PTGER3: variants seen among roughly 807,000 people sequenced by gnomAD.
PTGER3 encodes prostaglandin E receptor 3.
A neutral mutation model predicts 34.7 loss-of-function variants in PTGER3; 22 were observed. The observed-to-expected ratio is 0.63, with a 90% CI of 0.45 to 0.91. The LOEUF (loss-of-function observed/expected upper bound fraction) is 0.91, where lower values mean the gene tolerates loss of function less well. Ranked by LOEUF, PTGER3 falls within the 40% of genes least tolerant of loss-of-function variation. The pLI is 0.00. For synonymous variants in PTGER3, 241 were observed against 230.1 expected (o/e 1.05, Z -0.43); for missense variants, 468 against 519.4 (o/e 0.90, Z 0.96).
At chr1:71,035,563 C>T (rs112643504) in intron 1 of PTGER3, among the ~76,000 whole-genome samples, 2 of 152,212 alleles carry the variant, frequency 1.3e-5, no homozygotes, top group Admixed American at 6.5e-5. Context: ...CCTCAGTACT[C>T]GAGGGCTCTG....
chr1:70,976,540 T>C (rs1411615463), intron 2 of PTGER3, among the ~76,000 whole-genome samples: 2 of 152,286 alleles, frequency 1.3e-5, no homozygotes, highest in Non-Finnish European at 2.9e-5. Context: ...TTGGGGATTA[T>C]ATATGATTTG....
At chr1:70,961,768 A>G (rs1419198608) in intron 2 of PTGER3, among the ~76,000 whole-genome samples, 3 of 152,228 alleles carry the variant, frequency 2.0e-5, no homozygotes, top group Non-Finnish European at 4.4e-5. Context: ...AGGAAATCCC[A>G]TTGGTTCAGC....
chr1:70,884,643 A>G (rs1326034447), intron 4 of PTGER3, among the ~76,000 whole-genome samples: 3 of 152,214 alleles, frequency 2.0e-5, no homozygotes, highest in African/African-American at 4.8e-5. Context: ...AGATTCATGC[A>G]CAGAAATTGT....
chr1:71,046,928 T>C lies in PTGER3; in HGVS notation c.650A>G (p.Asn217Ser). Residue 217 changes from asparagine (N) to serine (S), a missense_variant, in exon 1 of 4, where the codon AAC (asparagine) becomes AGC (serine). Around this residue, in one of 5 missense-constraint regions of PTGER3, gnomAD observed 204 missense variants for 230.8 expected, o/e 0.88. Transcript: ENST00000306666. The part of the protein sequence containing the change: ...WCFISTGRGG[N>S]GTSSSHNWGN... ...CCAGTTATGCGAAGAGCTAGTCCCG[T>C]TGCCCCCTCGCCCGGTGCTGATGAA... The C allele has an allele frequency of 6.2e-7, 1 of 1,608,886 alleles. No individual in the cohort carries two copies. Among genetic ancestry groups the C allele is most frequent in the South Asian group, 1.1e-5 (1 of 89,984 alleles).
chr1:70,914,302 T>A (rs936553225), intron 4 of PTGER3, among the ~76,000 whole-genome samples: 1 of 151,818 alleles, frequency 6.6e-6, no homozygotes, highest in African/African-American at 2.4e-5. Context: ...TGATATCTAG[T>A]CATGAAATTG....
intron 2 of PTGER3, among the ~76,000 whole-genome samples, chr1:70,998,710 T>A (rs141515633): frequency 6.6e-6 from 1 of 152,208 alleles, no homozygotes; most frequent in Non-Finnish European, 1.5e-5. Context: ...ATTTCTCAAA[T>A]ACATCACAGT....
At position 70,938,937 on chromosome 1, in the gene PTGER3, C is replaced by T. The variant is rs78627536; in HGVS notation, c.*23+14826G>A. On this transcript the variant is annotated intron_variant, in intron 4 of 4. Transcript: ENST00000370931. ...CACGTTTCAAAACCAGTCATGCCTT[C>T]CCAACTGTCCCCCAAAGTCTTAACT... Among the ~76,000 whole-genome samples, 158 of 152,248 alleles carry T rather than the reference C, an allele frequency of 1.0e-3. 2 individuals are homozygous for T. Among genetic ancestry groups the T allele is most frequent in the African/African-American group, 3.8e-3 (157 of 41,542 alleles).
intron 2 of PTGER3, among the ~76,000 whole-genome samples, chr1:70,977,842 C>T (rs1653861483): frequency 2.6e-5 from 4 of 152,046 alleles, no homozygotes; most frequent in Admixed American, 2.6e-4. Flanking sequence ...AATGTTTTGC[C>T]TCCCTTTAAC....
At chr1:70,884,036 G>C in intron 4 of PTGER3, 1 of 386,734 alleles carries the variant, frequency 2.6e-6, no homozygotes, top group South Asian at 1.9e-5. Context: ...GCAGTGAGCG[G>C]AAATCACTCC....
exon 4 of PTGER3, chr1:70,953,039 G>A: frequency 5.6e-6 from 9 of 1,602,726 alleles, no homozygotes; most frequent in Non-Finnish European, 7.7e-6. Flanking sequence ...GTATCTGAGA[G>A]TTCTGCAAAC....
intron 2 of PTGER3, among the ~76,000 whole-genome samples, chr1:70,975,865 C>G (rs553688023): frequency 4.1e-4 from 63 of 152,188 alleles, no homozygotes; most frequent in African/African-American, 1.5e-3. Flanking sequence ...ACTTTCAAAG[C>G]CCCCTTTGTA....
chr1:70,963,555 C>T (rs2100641854), intron 2 of PTGER3, among the ~76,000 whole-genome samples: 1 of 152,330 alleles, frequency 6.6e-6, no homozygotes, highest in African/African-American at 2.4e-5. Flanking sequence ...GTGGAAGCTG[C>T]CAAGGCCCAG....
intron 4 of PTGER3, among the ~76,000 whole-genome samples, chr1:70,922,119 T>C (rs1647587342): frequency 6.6e-6 from 1 of 152,216 alleles, no homozygotes; most frequent in Non-Finnish European, 1.5e-5. Flanking sequence ...CTTCTTTGGC[T>C]TTTAAAAACT....
At chr1:71,021,184 G>T (rs1177406678) in intron 1 of PTGER3, among the ~76,000 whole-genome samples, 4 of 152,062 alleles carry the variant, frequency 2.6e-5, no homozygotes, top group African/African-American at 9.7e-5. Context: ...CTTTAAAAAT[G>T]TTTAGTAATG....
At chr1:70,907,658 C>A (rs1030849399) in intron 4 of PTGER3, among the ~76,000 whole-genome samples, 2 of 152,210 alleles carry the variant, frequency 1.3e-5, no homozygotes, top group African/African-American at 4.8e-5. Flanking sequence ...CAGGCATGAG[C>A]ATGTCCGGGG....
At chr1:70,873,098 C>CAA (rs34564339) in intron 4 of PTGER3, among the ~76,000 whole-genome samples, 2 of 148,126 alleles carry the variant, frequency 1.4e-5, no homozygotes, top group African/African-American at 2.5e-5. Context: ...TCTAATATGA[C>CAA]AAAAAAAAAA....
At chr1:70,936,797 C>T (rs750452444) in intron 4 of PTGER3, among the ~76,000 whole-genome samples, 5 of 152,164 alleles carry the variant, frequency 3.3e-5, no homozygotes, top group African/African-American at 7.2e-5. Flanking sequence ...CCTCACTCCC[C>T]AAGTATATCT....
At chr1:71,012,045 A>G in intron 2 of PTGER3, 1 of 1,426,560 alleles carries the variant, frequency 7.0e-7, no homozygotes, top group Non-Finnish European at 9.1e-7. Flanking sequence ...TTTGTGTTTC[A>G]CTACTTTTGG....
At chr1:70,944,314 G>C (rs1218878551) in intron 4 of PTGER3, among the ~76,000 whole-genome samples, 1 of 152,086 alleles carries the variant, frequency 6.6e-6, no homozygotes, top group Non-Finnish European at 1.5e-5. Context: ...ATTGTGAGAA[G>C]TCAAAGCAAT....
Sources: allele counts gnomAD v4.1 joint callset (sites outside exome capture counted in the v4.1 genomes callset), GRCh38; gene constraint gnomAD v4.1.1; regional missense constraint gnomAD v4.1.1; transcripts MANE v1.5; gene names NCBI Gene and HGNC (gene_info 2026-07-23, HGNC 2026-07-21).